FAT3: variants seen among roughly 807,000 people sequenced by gnomAD.
The protein encoded by FAT3 is protocadherin Fat 3.
In FAT3, 95 loss-of-function variants were observed where a neutral mutation model predicts 310.2. The observed-to-expected ratio is 0.31, with a 90% CI of 0.26 to 0.36. The LOEUF (loss-of-function observed/expected upper bound fraction) is 0.36. Ranked by LOEUF, FAT3 falls within the 10% of genes least tolerant of loss-of-function variation. The pLI, the probability that FAT3 is intolerant of heterozygous loss-of-function variation, is 1.00. For synonymous variants in FAT3, 2,314 were observed against 2,192.9 expected (o/e 1.06, Z -1.54); for missense variants, 5,408 against 5,715.6 (o/e 0.95, Z 1.74).
chr11:92,516,685 G>A (rs1472632554), intron 2 of FAT3, among the ~76,000 whole-genome samples: 3 of 152,158 alleles, frequency 2.0e-5, no homozygotes, highest in Non-Finnish European at 4.4e-5. Context: ...AATAGGAAGA[G>A]AGGAAGTCAA....
intron 3 of FAT3, among the ~76,000 whole-genome samples, chr11:92,608,896 G>C (rs955981839): frequency 6.6e-6 from 1 of 152,088 alleles, no homozygotes; most frequent in Non-Finnish European, 1.5e-5. Context: ...GACTTAGGAA[G>C]CATACTGGTG....
chr11:92,329,706 C>T (rs10765545), intron 1 of FAT3, among the ~76,000 whole-genome samples: 138,850 of 138,856 alleles, frequency 1, 69,422 homozygotes, highest in Middle Eastern at 1. Context: ...TTCCACTTAG[C>T]TTTTATTTAA....
intron 1 of FAT3, among the ~76,000 whole-genome samples, chr11:92,251,321 T>C (rs1413310692): frequency 1.3e-5 from 2 of 152,168 alleles, no homozygotes; most frequent in Non-Finnish European, 2.9e-5. Context: ...AAATGTGTTT[T>C]AGATCCTTGT....
chr11:92,378,269 C>T (rs950364447), intron 2 of FAT3, among the ~76,000 whole-genome samples: 76 of 152,276 alleles, frequency 5.0e-4, no homozygotes, highest in African/African-American at 1.8e-3. Flanking sequence ...ACCTGGCTTG[C>T]TCTTCTCTTA....
chr11:92,477,943 T>C (rs1171111756), intron 2 of FAT3, among the ~76,000 whole-genome samples: 1 of 152,182 alleles, frequency 6.6e-6, no homozygotes, highest in East Asian at 1.9e-4. Context: ...AAGTCAGTAA[T>C]ACTGTCCCAG....
chr11:92,866,965 G>C lies in FAT3; in HGVS notation c.11883G>C (p.Leu3961=), dbSNP rs1471317962. The C allele has an allele frequency of 1.2e-6, 2 of 1,612,962 alleles. No individual in the cohort carries two copies. Among genetic ancestry groups the C allele is most frequent in the Non-Finnish European group, 8.5e-7 (1 of 1,179,578 alleles). The change falls in exon 22 of 28, where the codon CTG becomes CTC. Residue 3961 remains leucine (L), a synonymous_variant. Transcript: ENST00000525166. ...AGAGTAGCATCTACTTCGGCGCCCT[G>C]GTGCAAGCGGATAACATCCGCAGCC... The part of the protein sequence containing the change: ...STESSIYFGA[L]VQADNIRSLT...
At chr11:92,890,020 G>A in intron 27 of FAT3, 129 bp downstream of exon 27, 1 of 708,730 alleles carries the variant, frequency 1.4e-6, no homozygotes, top group Non-Finnish European at 2.6e-6. Flanking sequence ...CGTGCGCTCA[G>A]TATTGGAGGT....
chr11:92,801,377 C>T lies in FAT3; in HGVS notation c.8364C>T (p.Pro2788=), dbSNP rs1417657105. 2 of 1,613,754 alleles carry T rather than the reference C, an allele frequency of 1.2e-6. No homozygotes were observed. Among genetic ancestry groups the T allele is most frequent in the Non-Finnish European group, 1.7e-6 (2 of 1,179,838 alleles). ...ACTTTAAAGTAGCAGCCACTATACC[C>T]CTGGACAAAGTAGACATTGTGTTTA... is the stretch of plus-strand genomic sequence containing the variant. ...AFHFKVAATI[P]LDKVDIVFTV... Residue 2788 remains proline (P), a synonymous_variant, in exon 10 of 28, where the codon CCC becomes CCT. Coordinates refer to ENST00000525166, the MANE Select transcript of FAT3 (RefSeq NM_001367949.2).
intron 2 of FAT3, among the ~76,000 whole-genome samples, chr11:92,372,652 C>A (rs1949222325): frequency 1.4e-5 from 2 of 144,228 alleles, no homozygotes; most frequent in African/African-American, 5.7e-5. Flanking sequence ...CTTTGATTGA[C>A]ATGGGCAAAC....
At chr11:92,700,457 G>A (rs1393321187) in intron 4 of FAT3, among the ~76,000 whole-genome samples, 1 of 152,080 alleles carries the variant, frequency 6.6e-6, no homozygotes, top group African/African-American at 2.4e-5. Context: ...GGTGGGGGCT[G>A]AGGGTGACCA....
chr11:92,511,266 A>T (rs776283473), intron 2 of FAT3, among the ~76,000 whole-genome samples: 2 of 152,228 alleles, frequency 1.3e-5, no homozygotes, highest in Admixed American at 1.3e-4. Flanking sequence ...AGCTTGAATT[A>T]TCACTTCTTC....
chr11:92,530,323 G>C (rs1358180996), intron 3 of FAT3, among the ~76,000 whole-genome samples: 1 of 152,026 alleles, frequency 6.6e-6, no homozygotes, highest in African/African-American at 2.4e-5. Context: ...TCTCTCCTGA[G>C]AGCCTGATTA....
chr11:92,685,709 T>C (rs1943615866), intron 3 of FAT3, among the ~76,000 whole-genome samples: 1 of 151,968 alleles, frequency 6.6e-6, no homozygotes, highest in Non-Finnish European at 1.5e-5. Flanking sequence ...ATGAGTAGCC[T>C]GGGCTCTTAA....
At chr11:92,618,654 G>T (rs567136493) in intron 3 of FAT3, among the ~76,000 whole-genome samples, 1 of 152,222 alleles carries the variant, frequency 6.6e-6, no homozygotes, top group East Asian at 1.9e-4. Flanking sequence ...ATGTTTCATT[G>T]CTAATGCATA....
chr11:92,409,579 C>T (rs1283650848), intron 2 of FAT3, among the ~76,000 whole-genome samples: 1 of 151,950 alleles, frequency 6.6e-6, no homozygotes, highest in Non-Finnish European at 1.5e-5. Context: ...TTTAATGTGA[C>T]AGGAGGAGGA....
chr11:92,328,519 C>T (rs1947822113), intron 1 of FAT3, among the ~76,000 whole-genome samples: 2 of 152,080 alleles, frequency 1.3e-5, no homozygotes, highest in Non-Finnish European at 2.9e-5. Flanking sequence ...ACAGCTGAAC[C>T]TCAGGGATTA....
intron 4 of FAT3, among the ~76,000 whole-genome samples, chr11:92,709,293 C>T (rs10501794): frequency 0.037 from 5,581 of 152,272 alleles, 242 homozygotes; most frequent in East Asian, 0.21. Context: ...AAACCTCAAT[C>T]GTGTAGAAAT....
intron 13 of FAT3, among the ~76,000 whole-genome samples, chr11:92,814,767 T>C (rs1344247859): frequency 6.6e-6 from 1 of 152,086 alleles, no homozygotes; most frequent in Non-Finnish European, 1.5e-5. Flanking sequence ...CATGTGGGAA[T>C]TGAAAGCTAG....
rs192173080 is a variant in FAT3 at position 92,812,514 on chromosome 11, G to T, written c.9481+2438G>T. ...GAAGAATTGCTTGAACCCGGGAGGC[G>T]GAGGTTGCAGTGAGCCAATATTGTG... On this transcript the variant is annotated intron_variant, in intron 13 of 27. Transcript: ENST00000525166. Among the ~76,000 whole-genome samples, 1,107 of 151,630 alleles carry T rather than the reference G, an allele frequency of 7.3e-3. 12 individuals carry two copies. Among genetic ancestry groups the T allele is most frequent in the African/African-American group, 0.026 (1,056 of 41,296 alleles).
Sources: gnomAD v4.1 joint callset for allele counts (sites outside exome capture counted in the v4.1 genomes callset) on GRCh38, gnomAD v4.1.1 for gene constraint, MANE v1.5 for transcripts, NCBI Gene and HGNC (gene_info 2026-07-23, HGNC 2026-07-21) for gene names.